The following EPHA5 variants were observed in gnomAD, a reference collection of about 807,000 sequenced individuals.
The protein encoded by EPHA5 is ephrin type-A receptor 5.
Under a neutral mutation model 105.0 loss-of-function variants are expected in EPHA5, and 60 were observed. The observed-to-expected ratio is 0.57, with a 90% CI of 0.46 to 0.71. EPHA5 has a LOEUF of 0.71. Ranked by LOEUF, EPHA5 falls within the 30% of genes least tolerant of loss-of-function variation. EPHA5 has a pLI of 0.00. For synonymous variants in EPHA5, 513 were observed against 449.1 expected, an observed-to-expected ratio of 1.14 and a Z score of -1.80; for missense variants, 1,218 against 1,274.7, an observed-to-expected ratio of 0.96 and a Z score of 0.68.
Position 65,463,087 on chromosome 4 carries a change from G to C in EPHA5, c.1402+27290C>G, listed in dbSNP as rs547856255. Reference sequence around the variant, plus strand: ...GTAAGTATGTAGTACACTGACATAAGTATTGGTCTATATTAAAACTGTATC... The same window carrying C: ...GTAAGTATGTAGTACACTGACATAACTATTGGTCTATATTAAAACTGTATC... On this transcript the variant is annotated intron_variant, in intron 5 of 16. Coordinates refer to ENST00000613740, the MANE Select transcript of EPHA5 (RefSeq NM_001281766.3). 2.6e-5 allele frequency among the ~76,000 whole-genome samples: 4 copies of C among 152,254 alleles called. No individual in the cohort carries two copies. In the South Asian group the frequency reaches 8.3e-4, roughly 32 times the overall value.
chr4:65,616,015 C>T (rs1194270947), intron 2 of EPHA5, among the ~76,000 whole-genome samples: 1 of 151,714 alleles, frequency 6.6e-6, no homozygotes, highest in Non-Finnish European at 1.5e-5. Context: ...TTATGGTAGC[C>T]GAAAACTGGA....
intron 3 of EPHA5, among the ~76,000 whole-genome samples, chr4:65,570,667 G>A (rs1740039905): frequency 6.6e-6 from 1 of 151,764 alleles, no homozygotes; most frequent in South Asian, 2.1e-4. Context: ...TGGAAGTATA[G>A]CTATGTATAA....
chr4:65,573,316 C>A, intron 3 of EPHA5: 1 of 517,872 alleles, frequency 1.9e-6, no homozygotes, highest in Admixed American at 3.9e-5. Context: ...GAGGCGGAGG[C>A]AGGAGAATGG....
intron 3 of EPHA5, among the ~76,000 whole-genome samples, chr4:65,504,956 C>T (rs1289953068): frequency 6.6e-6 from 1 of 151,870 alleles, no homozygotes; most frequent in African/African-American, 2.4e-5. Flanking sequence ...CTAAGCAGTT[C>T]TTCTATCCCA....
At chr4:65,591,000 T>TA (rs1742586314) in intron 3 of EPHA5, among the ~76,000 whole-genome samples, 1 of 152,118 alleles carries the variant, frequency 6.6e-6, no homozygotes, top group Non-Finnish European at 1.5e-5. Flanking sequence ...GGTTGTGTGA[T>TA]ATCAGGCAGG....
chr4:65,366,821 A>T (rs1484226079), intron 9 of EPHA5, among the ~76,000 whole-genome samples: 1 of 151,962 alleles, frequency 6.6e-6, no homozygotes, highest in African/African-American at 2.4e-5. Flanking sequence ...AAATATCAAA[A>T]TTCAACTCAT....
At position 65,319,974 on chromosome 4, in the gene EPHA5, C is replaced by G. The variant is rs1438533715; in HGVS notation, c.*4140G>C. On this transcript the variant is annotated 3_prime_UTR_variant, in exon 17 of 17. Transcript: ENST00000613740. ...CAGCCTGAATAAACATGACATTTTACCACCTTCAATTTTCTCCATTAACGT... is the reference window on the plus strand; with the variant it reads ...CAGCCTGAATAAACATGACATTTTAGCACCTTCAATTTTCTCCATTAACGT... 1.7e-5 allele frequency: 4 copies of G among 229,994 alleles called. No individual in the cohort carries two copies. In the East Asian group the frequency reaches 2.5e-4, roughly 14 times the overall value. 14.2% of individuals were successfully genotyped at this position (229,994 alleles called of 1,614,324 possible).
At chr4:65,611,225 G>A (rs1744728437) in intron 2 of EPHA5, among the ~76,000 whole-genome samples, 1 of 151,980 alleles carries the variant, frequency 6.6e-6, no homozygotes, top group Non-Finnish European at 1.5e-5. Context: ...GGTCCTTTTA[G>A]TGATATTTCA....
Position 65,391,693 on chromosome 4 carries a change from C to G in EPHA5, c.1793+12681G>C, listed in dbSNP as rs147398237. Among the ~76,000 whole-genome samples the G allele has an allele frequency of 1.3e-3, 197 of 152,130 alleles. 1 individual carries two copies. Among genetic ancestry groups the G allele is most frequent in the African/African-American group, 4.4e-3 (181 of 41,522 alleles). ...ACCTAGGAGGGTCTTCTGCCAGAGC[C>G]CAGCGTCTTCTGGAGTGCCAGCCTG... is the stretch of plus-strand genomic sequence containing the variant. On this transcript the variant is annotated intron_variant, in intron 8 of 16. Transcript: ENST00000613740.
intron 16 of EPHA5, among the ~76,000 whole-genome samples, chr4:65,328,804 T>C (rs2148790066): frequency 6.6e-6 from 1 of 151,310 alleles, no homozygotes; most frequent in South Asian, 2.1e-4. Context: ...CAGAGGACTG[T>C]AGGTACTCCT....
At chr4:65,628,111 C>A (rs182811821) in intron 2 of EPHA5, among the ~76,000 whole-genome samples, 58 of 152,056 alleles carry the variant, frequency 3.8e-4, no homozygotes, top group African/African-American at 1.3e-3. Flanking sequence ...AAAAAATGGA[C>A]ATCTTTAAGT....
intron 15 of EPHA5, among the ~76,000 whole-genome samples, chr4:65,334,094 C>T (rs766071940): frequency 6.6e-6 from 1 of 152,002 alleles, no homozygotes; most frequent in East Asian, 1.9e-4. Flanking sequence ...TTGAATTCAA[C>T]TCTCACTCCC....
chr4:65,659,224 T>C (rs769825909), intron 1 of EPHA5, among the ~76,000 whole-genome samples: 39 of 148,726 alleles, frequency 2.6e-4, no homozygotes, highest in Non-Finnish European at 5.0e-4. Flanking sequence ...TCTTAAACAA[T>C]TTATTAATAG....
At chr4:65,456,206 G>A (rs1727567428) in intron 5 of EPHA5, among the ~76,000 whole-genome samples, 1 of 152,098 alleles carries the variant, frequency 6.6e-6, no homozygotes, top group South Asian at 2.1e-4. Context: ...GTCAGTGGAA[G>A]AAAAAGGAAT....
chr4:65,332,594 C>A (rs1178898517), intron 15 of EPHA5, among the ~76,000 whole-genome samples: 1 of 99,352 alleles, frequency 1.0e-5, no homozygotes, highest in Non-Finnish European at 1.9e-5. Context: ...GTCATTCTGG[C>A]GGTTGATGCT....
intron 8 of EPHA5, among the ~76,000 whole-genome samples, chr4:65,379,226 G>T (rs901439012): frequency 1.2e-4 from 18 of 151,354 alleles, no homozygotes; most frequent in African/African-American, 3.6e-4. Flanking sequence ...ATTTTATAAA[G>T]TTATCTTAAT....
intron 8 of EPHA5, chr4:65,377,046 C>T (rs758650433): frequency 6.2e-7 from 1 of 1,609,386 alleles, no homozygotes; most frequent in Admixed American, 1.7e-5. Context: ...AGCCCTCCCA[C>T]AGCCACATTC....
chr4:65,545,160 T>C (rs926272000), intron 3 of EPHA5, among the ~76,000 whole-genome samples: 1 of 151,962 alleles, frequency 6.6e-6, no homozygotes, highest in African/African-American at 2.4e-5. Context: ...TAGTAACTTA[T>C]ACTGCTAACT....
At chr4:65,534,516 A>T (rs180724167) in intron 3 of EPHA5, among the ~76,000 whole-genome samples, 16 of 152,358 alleles carry the variant, frequency 1.1e-4, no homozygotes, top group Admixed American at 4.6e-4. Context: ...TTATAAAAGA[A>T]AAAATGAAAA....
Sources: gnomAD v4.1 joint callset for allele counts (sites outside exome capture counted in the v4.1 genomes callset) on GRCh38, gnomAD v4.1.1 for gene constraint, MANE v1.5 for transcripts, NCBI Gene and HGNC (gene_info 2026-07-23, HGNC 2026-07-21) for gene names.